Variants in TMED3 observed in about 807,000 individuals in gnomAD.
The protein encoded by TMED3 is transmembrane emp24 domain-containing protein 3.
TMED3 carries 9 observed loss-of-function variants against 15.0 expected under a neutral mutation model. The observed-to-expected ratio is 0.60, with a 90% CI of 0.36 to 1.04. TMED3 has a LOEUF of 1.04. Ranked by LOEUF, TMED3 falls within the 50% of genes least tolerant of loss-of-function variation. The probability of loss-of-function intolerance (pLI) is 0.01; values close to 1 mark genes in which losing one functional copy is unlikely to be tolerated. For missense variants in TMED3, 267 were observed against 278.9 expected, an observed-to-expected ratio of 0.96 and a Z score of 0.30; for synonymous variants, 117 against 121.4, an observed-to-expected ratio of 0.96 and a Z score of 0.24.
intron 2 of TMED3, among the ~76,000 whole-genome samples, chr15:79,396,620 G>A (rs1043762985): frequency 6.6e-6 from 1 of 152,214 alleles, no homozygotes; most frequent in African/African-American, 2.4e-5. Flanking sequence ...GGCGATTTAT[G>A]ATCTAGCTTT....
intron 2 of TMED3, among the ~76,000 whole-genome samples, chr15:79,352,962 A>T (rs1355912259): frequency 5.9e-5 from 6 of 101,108 alleles, no homozygotes; most frequent in East Asian, 5.7e-4. Context: ...TGTAATATAT[A>T]ATATATAAAA....
intron 2 of TMED3, among the ~76,000 whole-genome samples, chr15:79,318,911 C>T (rs1271372099): frequency 2.0e-5 from 3 of 152,170 alleles, no homozygotes; most frequent in Non-Finnish European, 2.9e-5. Flanking sequence ...TGTCTGGAAC[C>T]CTTCTTAGGA....
chr15:79,356,796 GA>G (rs2058921090), intron 2 of TMED3, among the ~76,000 whole-genome samples: 1 of 152,170 alleles, frequency 6.6e-6, no homozygotes, highest in South Asian at 2.1e-4. Context: ...GATCTGTGTA[GA>G]GATATTCACT....
intron 2 of TMED3, among the ~76,000 whole-genome samples, chr15:79,334,616 C>T (rs550848268): frequency 1.1e-4 from 17 of 152,158 alleles, no homozygotes; most frequent in Non-Finnish European, 2.1e-4. Flanking sequence ...CTTCTCCCCA[C>T]ACAGTGTGAC....
intron 2 of TMED3, among the ~76,000 whole-genome samples, chr15:79,338,062 C>T (rs2058833446): frequency 6.6e-6 from 1 of 152,164 alleles, no homozygotes; most frequent in Non-Finnish European, 1.5e-5. Context: ...TGTGGTATCA[C>T]TTATATATCA....
rs140787423 is a variant in TMED3 at position 79,314,061 on chromosome 15, T to C, written c.417+56T>C. On this transcript the variant is annotated intron_variant, in intron 2 of 2. Coordinates refer to ENST00000299705, the MANE Select transcript of TMED3 (RefSeq NM_007364.4). ...GAACCCCCTAGCGTGTTCCTCTTCA[T>C]TGGCCTCTGTCTAGGCTGGTGGTGG... is the stretch of plus-strand genomic sequence containing the variant. The C allele has an allele frequency of 4.7e-4, 749 of 1,595,774 alleles. 2 individuals carry two copies. In the African/African-American group the frequency reaches 8.0e-3, roughly 17 times the overall value.
chr15:79,372,537 G>A (rs535975477), intron 2 of TMED3, among the ~76,000 whole-genome samples: 7 of 152,302 alleles, frequency 4.6e-5, no homozygotes, highest in African/African-American at 4.8e-5. Flanking sequence ...AATCATGGCC[G>A]GAGGCAAAGG....
intron 2 of TMED3, among the ~76,000 whole-genome samples, chr15:79,395,908 A>G (rs145909873): frequency 0.012 from 1,825 of 152,314 alleles, 20 homozygotes; most frequent in Middle Eastern, 0.017. Context: ...TGACTATATC[A>G]CTCAGTTTTC....
intron 2 of TMED3, among the ~76,000 whole-genome samples, chr15:79,320,120 G>A (rs764252848): frequency 3.9e-5 from 6 of 152,118 alleles, no homozygotes; most frequent in South Asian, 4.1e-4. Context: ...TGACGCTACC[G>A]CTAGACCACA....
At chr15:79,388,934 A>C (rs1233141729) in intron 2 of TMED3, among the ~76,000 whole-genome samples, 1 of 149,706 alleles carries the variant, frequency 6.7e-6, no homozygotes, top group East Asian at 2.0e-4. Context: ...CTTTTTGATG[A>C]GATTGTTTTT....
At chr15:79,353,775 TAAAA>T (rs1273668741) in intron 2 of TMED3, among the ~76,000 whole-genome samples, 2 of 152,148 alleles carry the variant, frequency 1.3e-5, no homozygotes, top group Non-Finnish European at 1.5e-5. Flanking sequence ...AAAAAAACCT[TAAAA>T]AGAAAGAAGT....
At chr15:79,354,988 G>A (rs2058913057) in intron 2 of TMED3, among the ~76,000 whole-genome samples, 1 of 152,152 alleles carries the variant, frequency 6.6e-6, no homozygotes, top group Non-Finnish European at 1.5e-5. Flanking sequence ...GACGAATCAG[G>A]AGAGGGGATC....
chr15:79,389,509 T>G (rs1893669969), intron 2 of TMED3, among the ~76,000 whole-genome samples: 1 of 152,208 alleles, frequency 6.6e-6, no homozygotes, highest in Admixed American at 6.5e-5. Context: ...TAGTATAGTT[T>G]GAAATCAGGT....
At chr15:79,356,319 G>GTGTC (rs2058918577) in intron 2 of TMED3, among the ~76,000 whole-genome samples, 1 of 152,312 alleles carries the variant, frequency 6.6e-6, no homozygotes, top group Non-Finnish European at 1.5e-5. Flanking sequence ...GGTGGGGTTT[G>GTGTC]TGTCTGTTTT....
intron 2 of TMED3, among the ~76,000 whole-genome samples, chr15:79,396,280 A>C (rs753474709): frequency 1.3e-5 from 2 of 152,200 alleles, no homozygotes; most frequent in Non-Finnish European, 2.9e-5. Flanking sequence ...ATGACCATTT[A>C]ATTATGCTTG....
At chr15:79,352,922 TATATATAATATATATAC>T (rs1172484416) in intron 2 of TMED3, among the ~76,000 whole-genome samples, 4 of 121,680 alleles carry the variant, frequency 3.3e-5, no homozygotes, top group South Asian at 2.3e-4. Context: ...ATATATAAAA[TATATATAATATATATAC>T]ATATATAATA....
chr15:79,404,852 T>C (rs1893882137), intron 2 of TMED3, among the ~76,000 whole-genome samples: 1 of 152,246 alleles, frequency 6.6e-6, no homozygotes, highest in Non-Finnish European at 1.5e-5. Context: ...GCATTCCTGC[T>C]TTGTTTAGCA....
At chr15:79,408,194 C>A (rs1420242029) in intron 2 of TMED3, among the ~76,000 whole-genome samples, 1 of 152,238 alleles carries the variant, frequency 6.6e-6, no homozygotes, top group Non-Finnish European at 1.5e-5. Context: ...TGTGTGAAAT[C>A]CCTCTCTGCT....
intron 2 of TMED3, among the ~76,000 whole-genome samples, chr15:79,375,744 G>A (rs1198265392): frequency 6.6e-6 from 1 of 152,152 alleles, no homozygotes; most frequent in Non-Finnish European, 1.5e-5. Flanking sequence ...CCATCCGCAT[G>A]AGCCAGTCAC....
Sources: allele counts gnomAD v4.1 joint callset (sites outside exome capture counted in the v4.1 genomes callset), GRCh38; gene constraint gnomAD v4.1.1; transcripts MANE v1.5; gene names NCBI Gene and HGNC (gene_info 2026-07-23, HGNC 2026-07-21).